The following ZDHHC21 variants were observed in gnomAD, a reference collection of about 807,000 sequenced individuals.
The protein encoded by ZDHHC21 is palmitoyltransferase ZDHHC21.
In ZDHHC21, 15 loss-of-function variants were observed where a neutral mutation model predicts 34.6. The observed-to-expected ratio is 0.43, with a 90% confidence interval of 0.29 to 0.67. ZDHHC21 has a LOEUF of 0.67. ZDHHC21 is among the 30% of genes least tolerant of loss of function. ZDHHC21 has a pLI of 0.14. For synonymous variants in ZDHHC21, 142 were observed against 101.8 expected, an observed-to-expected ratio of 1.40 and a Z score of -2.38; for missense variants, 344 against 327.7, an observed-to-expected ratio of 1.05 and a Z score of -0.38.
chr9:14,685,132 C>G (rs1838080932), intron 2 of ZDHHC21, among the ~76,000 whole-genome samples: 2 of 151,870 alleles, frequency 1.3e-5, no homozygotes, highest in Non-Finnish European at 2.9e-5. Context: ...CCATTCAGGA[C>G]ATAGGCATGG....
At chr9:14,630,459 C>T (rs1202197515) in intron 8 of ZDHHC21, among the ~76,000 whole-genome samples, 1 of 152,222 alleles carries the variant, frequency 6.6e-6, no homozygotes, top group East Asian at 1.9e-4. Flanking sequence ...TTGAACCCTT[C>T]AAAGTTAACC....
the ZDHHC21 span, among the ~76,000 whole-genome samples, chr9:14,604,890 C>A: frequency 1.3e-5 from 2 of 152,180 alleles, no homozygotes; most frequent in Admixed American, 6.5e-5. Context: ...CCCCTCCCCA[C>A]AGCAGCCACC....
intron 5 of ZDHHC21, among the ~76,000 whole-genome samples, chr9:14,672,297 T>A (rs1466231034): frequency 6.6e-6 from 1 of 152,116 alleles, no homozygotes; most frequent in Non-Finnish European, 1.5e-5. Flanking sequence ...CATTCAATAT[T>A]ATCTTTCACT....
Position 14,618,863 on chromosome 9 carries a change from G to C in ZDHHC21, c.*103C>G, listed in dbSNP as rs1824729605. 1 of 1,307,088 alleles carries C rather than the reference G, an allele frequency of 7.7e-7. No individual in the cohort carries two copies. The allele number at this position is 1,307,088 out of a possible 1,614,324, so 81.0% of individuals were successfully genotyped here. A position where few individuals can be genotyped will look rare whatever the true frequency, so the allele number is the denominator to read the frequency against. Reference sequence around the variant, plus strand: ...GCACATTATGATGCCTAAGACTGGTGGGTGGATTTTAATTGACTTGAAGAC... The same window carrying C: ...GCACATTATGATGCCTAAGACTGGTCGGTGGATTTTAATTGACTTGAAGAC... On this transcript the variant is annotated 3_prime_UTR_variant, in exon 10 of 10. Coordinates refer to ENST00000380916, the MANE Select transcript of ZDHHC21 (RefSeq NM_178566.6).
intron 5 of ZDHHC21, among the ~76,000 whole-genome samples, chr9:14,663,804 A>C (rs1183561140): frequency 6.6e-6 from 1 of 152,220 alleles, no homozygotes; most frequent in Non-Finnish European, 1.5e-5. Flanking sequence ...CAGTTATTTT[A>C]ATGAAAATAA....
downstream of ZDHHC21, among the ~76,000 whole-genome samples, chr9:14,606,973 C>A (rs914543713): frequency 2.0e-5 from 3 of 151,420 alleles, no homozygotes; most frequent in Admixed American, 2.0e-4. Context: ...AAAATAAGTA[C>A]ATCCTCTGAC....
In ZDHHC21 at chr9:14,653,050, G is replaced by T. The variant is rs79599515; in HGVS notation, c.504+5699C>A. Among the ~76,000 whole-genome samples the T allele has an allele frequency of 5.3e-3, 810 of 151,974 alleles. 8 individuals are homozygous for T. The highest frequency in any genetic ancestry group is 0.018 in the African/African-American group (757 of 41,502). ...TCAAAGTCCACCACATGCTTTAACT[G>T]CATCATTACTCCCACAAAAAATATG... On this transcript the variant is annotated intron_variant, in intron 7 of 9. Transcript: ENST00000380916.
chr9:14,640,305 G>T (rs1587025262), intron 7 of ZDHHC21, among the ~76,000 whole-genome samples: 1 of 48,858 alleles, frequency 2.0e-5, no homozygotes. Context: ...AACCTATTTT[G>T]GGGAAAAAAA....
chr9:14,683,950 C>A (rs139439336), intron 2 of ZDHHC21, among the ~76,000 whole-genome samples: 2 of 152,144 alleles, frequency 1.3e-5, no homozygotes, highest in Non-Finnish European at 2.9e-5. Context: ...AAGACAAAAA[C>A]CACACGGTTA....
intron 8 of ZDHHC21, among the ~76,000 whole-genome samples, chr9:14,625,023 A>G (rs1285191861): frequency 6.6e-6 from 1 of 152,086 alleles, no homozygotes; most frequent in African/African-American, 2.4e-5. Flanking sequence ...TTACTAATTT[A>G]TATTAATTCT....
downstream of ZDHHC21, among the ~76,000 whole-genome samples, chr9:14,608,412 A>G (rs1205875051): frequency 2.0e-5 from 3 of 152,078 alleles, no homozygotes; most frequent in Admixed American, 2.0e-4. Context: ...CTAAAGACAC[A>G]CTCAAATACG....
chr9:14,663,238 T>C (rs1202380265), intron 5 of ZDHHC21, among the ~76,000 whole-genome samples: 3 of 152,176 alleles, frequency 2.0e-5, no homozygotes, highest in African/African-American at 4.8e-5. Context: ...TTTTACAAAA[T>C]TCTTTTAATT....
chr9:14,647,970 T>G (rs1233766136), intron 7 of ZDHHC21, among the ~76,000 whole-genome samples: 1 of 152,160 alleles, frequency 6.6e-6, no homozygotes, highest in Non-Finnish European at 1.5e-5. Flanking sequence ...AATTAACATC[T>G]GTCCCTGGAA....
At chr9:14,646,784 T>A (rs1359099528) in intron 7 of ZDHHC21, among the ~76,000 whole-genome samples, 2 of 152,156 alleles carry the variant, frequency 1.3e-5, no homozygotes, top group Non-Finnish European at 2.9e-5. Flanking sequence ...ATCCCAGTAT[T>A]CCCTATTTCC....
chr9:14,603,561 A>C, the ZDHHC21 span, among the ~76,000 whole-genome samples: 2 of 152,188 alleles, frequency 1.3e-5, no homozygotes, highest in African/African-American at 4.8e-5. Context: ...CGTAACATGA[A>C]AGATTTGGAT....
At position 14,680,167 on chromosome 9, in the gene ZDHHC21, T is replaced by C. The variant is rs950904952; in HGVS notation, c.-175-5A>G. ...ATAACAGTTCTCCATGAGAACCTATTCATGGTTTAACAAACAATGATTTCT... is the reference window on the plus strand; with the variant it reads ...ATAACAGTTCTCCATGAGAACCTATCCATGGTTTAACAAACAATGATTTCT... On this transcript the variant is annotated splice_polypyrimidine_tract_variant and splice_region_variant and intron_variant, in intron 2 of 9. Coordinates refer to ENST00000380916, the MANE Select transcript of ZDHHC21 (RefSeq NM_178566.6). 2.0e-5 allele frequency: 3 copies of C among 152,492 alleles called. No homozygotes were observed. The highest frequency in any genetic ancestry group is 7.2e-5 in the African/African-American group (3 of 41,440). The allele number at this position is 152,492 out of a possible 1,614,324, so 9.4% of individuals were successfully genotyped here.
At position 14,613,104 on chromosome 9, in the gene ZDHHC21, T is replaced by C. The variant is rs924195551; in HGVS notation, c.*5862A>G. ...TACCTTTTAAAGTAGCCAAGCTATA[T>C]TAAAATACAAAATTAAAATCCATAC... On this transcript the variant is annotated 3_prime_UTR_variant, in exon 10 of 10. Transcript: ENST00000380916. The C allele has an allele frequency of 6.6e-6, 1 of 151,762 alleles. No individual in the cohort carries two copies. The highest frequency in any genetic ancestry group is 2.4e-5 in the African/African-American group (1 of 41,366). The allele number at this position is 151,762 out of a possible 1,614,324, so 9.4% of individuals were successfully genotyped here.
chr9:14,625,967 A>C (rs1406587650), intron 8 of ZDHHC21, among the ~76,000 whole-genome samples: 1 of 151,952 alleles, frequency 6.6e-6, no homozygotes, highest in Non-Finnish European at 1.5e-5. Flanking sequence ...ACAGGAAATA[A>C]TTATATAGTA....
At chr9:14,595,498 G>C in the ZDHHC21 span, among the ~76,000 whole-genome samples, 3 of 152,266 alleles carry the variant, frequency 2.0e-5, no homozygotes, top group East Asian at 3.9e-4. Context: ...CAGAGTCCAA[G>C]GGGTCTTTCT....
Sources: gnomAD v4.1 joint callset for allele counts (sites outside exome capture counted in the v4.1 genomes callset) on GRCh38, gnomAD v4.1.1 for gene constraint, MANE v1.5 for transcripts, NCBI Gene and HGNC (gene_info 2026-07-23, HGNC 2026-07-21) for gene names.